The following VWA5B1 variants were observed in gnomAD, a reference collection of about 807,000 sequenced individuals.
VWA5B1 encodes von Willebrand factor A domain-containing protein 5B1.
A neutral mutation model predicts 118.2 loss-of-function variants in VWA5B1; 115 were observed. The ratio of observed to expected loss-of-function variants is 0.97; its 90% CI spans 0.84 to 1.14. The LOEUF is 1.14. VWA5B1 is among the 50% of genes most tolerant of loss of function. The pLI, the probability that VWA5B1 is intolerant of heterozygous loss-of-function variation, is 0.00. For synonymous variants in VWA5B1, 682 were observed against 658.4 expected, an observed-to-expected ratio of 1.04 and a Z score of -0.55; for missense variants, 1,596 against 1,603.8, an observed-to-expected ratio of 1.00 and a Z score of 0.08.
At chr1:20,293,533 A>G (rs1570031148) in intron 1 of VWA5B1, among the ~76,000 whole-genome samples, 1 of 152,182 alleles carries the variant, frequency 6.6e-6, no homozygotes, top group Admixed American at 6.5e-5. Context: ...CACAACCTCC[A>G]GTGACCAATG....
At position 20,310,632 on chromosome 1, in the gene VWA5B1, G is replaced by T. The variant is rs1158529481; in HGVS notation, c.31G>T (p.Ala11Ser). The change falls in exon 2 of 22, where the codon GCA becomes TCA. Residue 11 changes from alanine (A) to serine (S), a missense_variant. Coordinates refer to ENST00000289815, the MANE Select transcript of VWA5B1 (RefSeq NM_001039500.3). MPGLLNWITGAALPLTASDVT... is the reference protein window; with the variant it reads MPGLLNWITGSALPLTASDVT... ...CGGCTTGCTGAATTGGATCACGGGG[G>T]CAGCCCTGCCCCTCACCGCGTCTGA... 6.5e-7 allele frequency: 1 copy of T among 1,546,994 alleles called. No individual in the cohort carries two copies. Among genetic ancestry groups the T allele is most frequent in the East Asian group, 2.5e-5 (1 of 40,542 alleles).
At chr1:20,328,818 A>C (rs185973727) in intron 9 of VWA5B1, among the ~76,000 whole-genome samples, 27 of 152,280 alleles carry the variant, frequency 1.8e-4, no homozygotes, top group Admixed American at 6.5e-4. Flanking sequence ...ATCAAAAACA[A>C]ATTTTTTTTA....
chr1:20,352,493 A>C (rs2090149921), intron 21 of VWA5B1, among the ~76,000 whole-genome samples: 1 of 152,196 alleles, frequency 6.6e-6, no homozygotes, highest in Non-Finnish European at 1.5e-5. Flanking sequence ...CCACGCATCT[A>C]TGTGTATCTG....
At chr1:20,306,013 G>C (rs2088641761) in intron 1 of VWA5B1, among the ~76,000 whole-genome samples, 1 of 152,090 alleles carries the variant, frequency 6.6e-6, no homozygotes, top group African/African-American at 2.4e-5. Context: ...AGGTACTAAG[G>C]ATGCATCGAT....
At position 20,310,659 on chromosome 1, in the gene VWA5B1, G is replaced by A; in HGVS notation, c.58G>A (p.Val20Ile). The A allele has an allele frequency of 3.2e-6, 5 of 1,551,120 alleles. No homozygotes were observed. The South Asian group carries it at 4.8e-5, about 15-fold the overall frequency. The change falls in exon 2 of 22, where the codon GTT (valine) becomes ATT (isoleucine). Residue 20 changes from valine to isoleucine, a missense_variant. By Grantham distance (29) the Val-to-Ile change is conservative (BLOSUM62 3). Transcript: ENST00000289815. ...AGCCCTGCCCCTCACCGCGTCTGAT[G>A]TTACCTCCTGTGTCAGCGGTTATGC... ...GAALPLTASD[V>I]TSCVSGYALG...
At chr1:20,338,880 G>T (rs950364963) in intron 14 of VWA5B1, 1 of 152,080 alleles carries the variant, frequency 6.6e-6, no homozygotes, top group African/African-American at 2.4e-5. Context: ...TGCCCGGGCT[G>T]GTCTTGAACT....
chr1:20,305,347 T>G (rs2088618384), intron 1 of VWA5B1, among the ~76,000 whole-genome samples: 1 of 151,978 alleles, frequency 6.6e-6, no homozygotes, highest in African/African-American at 2.4e-5. Context: ...CCCAGGTTGT[T>G]GATGCACTGT....
In VWA5B1 at chr1:20,352,170, C is replaced by T. The variant is rs1354983096; in HGVS notation, c.3139C>T (p.Leu1047=). Residue 1047 remains leucine, a splice_region_variant and synonymous_variant, in exon 21 of 22, where the codon CTG becomes TTG. Transcript: ENST00000289815. ...GAACCAGAGCTTCGACTACATACCT[C>T]TGGTGAGTGCCCTGACCCCAGGTGT... ...SGNQSFDYIP[L]VSLQLASGAF... is the part of the protein sequence containing the mutation. 1.3e-6 allele frequency: 2 copies of T among 1,550,130 alleles called. No individual in the cohort carries two copies. The highest frequency in any genetic ancestry group is 1.4e-5 in the African/African-American group (1 of 72,992).
At chr1:20,351,653 A>AAAAAAAT (rs1186859636) in intron 20 of VWA5B1, among the ~76,000 whole-genome samples, 3 of 152,012 alleles carry the variant, frequency 2.0e-5, no homozygotes, top group African/African-American at 7.2e-5. Context: ...CTCCATCTCA[A>AAAAAAAT]AAAAAATAAA....
Position 20,354,580 on chromosome 1 carries a change from T to G in VWA5B1, c.*317T>G. 3 of 320,874 alleles carry G rather than the reference T, an allele frequency of 9.3e-6. No individual in the cohort carries two copies. The highest frequency in any genetic ancestry group is 3.9e-5 in the South Asian group (1 of 25,702). 19.9% of individuals were successfully genotyped at this position (320,874 alleles called of 1,614,324 possible). A position where few individuals can be genotyped will look rare whatever the true frequency, so the allele number is the denominator to read the frequency against. On this transcript the variant is annotated 3_prime_UTR_variant, in exon 22 of 22. Transcript: ENST00000289815. ...TCTGCCCATTCAGGCAGTCCCGGGCTGACTGCTGCTGGGGCTGGCGAGGGA... is the reference window on the plus strand; with the variant it reads ...TCTGCCCATTCAGGCAGTCCCGGGCGGACTGCTGCTGGGGCTGGCGAGGGA...
intron 7 of VWA5B1, among the ~76,000 whole-genome samples, chr1:20,320,408 A>C (rs2089170213): frequency 6.6e-6 from 1 of 152,214 alleles, no homozygotes; most frequent in Non-Finnish European, 1.5e-5. Context: ...CCCTAGAAGC[A>C]CATGCTCTCC....
At chr1:20,348,768 G>C (rs954715497) in intron 18 of VWA5B1, among the ~76,000 whole-genome samples, 1 of 152,206 alleles carries the variant, frequency 6.6e-6, no homozygotes, top group Non-Finnish European at 1.5e-5. Flanking sequence ...CCCACCATCT[G>C]TTTCTTTCAG....
intron 14 of VWA5B1, among the ~76,000 whole-genome samples, chr1:20,341,430 C>T (rs986295387): frequency 1.3e-5 from 2 of 152,192 alleles, no homozygotes; most frequent in South Asian, 4.1e-4. Context: ...ACTGACAGTC[C>T]ATGACAGACT....
chr1:20,319,587 T>TGG (rs2089142517), intron 7 of VWA5B1, 81 bp downstream of exon 7: 2 of 1,524,080 alleles, frequency 1.3e-6, no homozygotes, highest in Non-Finnish European at 1.8e-6. Flanking sequence ...ACAAGTGAGG[T>TGG]GGGGAGGTAA....
At chr1:20,291,359 T>TC (rs2088297636) in intron 1 of VWA5B1, among the ~76,000 whole-genome samples, 35 of 103,400 alleles carry the variant, frequency 3.4e-4, no homozygotes, top group Middle Eastern at 4.9e-3. Context: ...CTTTCTTTCT[T>TC]TCTCTCTCTC....
chr1:20,320,095 C>T (rs1475300149), intron 7 of VWA5B1, among the ~76,000 whole-genome samples: 2 of 152,180 alleles, frequency 1.3e-5, no homozygotes, highest in African/African-American at 4.8e-5. Flanking sequence ...GCTCTGCCTC[C>T]CGCTCATGGT....
chr1:20,311,973 G>A (rs983245037), intron 2 of VWA5B1, among the ~76,000 whole-genome samples: 7 of 152,212 alleles, frequency 4.6e-5, no homozygotes, highest in South Asian at 4.1e-4. Flanking sequence ...GGCTTTCCAC[G>A]TGCAGAAGGA....
At position 20,314,492 on chromosome 1, in the gene VWA5B1, C is replaced by T; in HGVS notation, c.463C>T (p.Pro155Ser). ...CACCTCCTCGGAGCTCCCAACGCTG[C>T]CCAGCGGGGCTGTGAGGGTCCTTCT... ...ISTSSELPTL[P>S]SGAVRVLLPA... is the part of the protein sequence containing the mutation. The change falls in exon 4 of 22, where the codon CCC (proline) becomes TCC (serine). Residue 155 changes from proline (P) to serine (S), a missense_variant. By Grantham distance (74) the Pro-to-Ser change is moderately conservative. Transcript: ENST00000289815. 2 of 1,551,774 alleles carry T rather than the reference C, an allele frequency of 1.3e-6. No homozygotes were observed. Among genetic ancestry groups the T allele is most frequent in the Middle Eastern group, 1.7e-4 (1 of 5,996 alleles).
intron 1 of VWA5B1, among the ~76,000 whole-genome samples, chr1:20,308,631 G>A (rs1270974434): frequency 6.6e-6 from 1 of 152,204 alleles, no homozygotes; most frequent in Non-Finnish European, 1.5e-5. Flanking sequence ...TCTCCTGAGA[G>A]AAGGCTACTT....
Sources: gnomAD v4.1 joint callset for allele counts (sites outside exome capture counted in the v4.1 genomes callset) on GRCh38, gnomAD v4.1.1 for gene constraint, MANE v1.5 for transcripts, NCBI Gene and HGNC (gene_info 2026-07-23, HGNC 2026-07-21) for gene names.